SHISA9: variants seen among roughly 807,000 people sequenced by gnomAD.
SHISA9 encodes the protein shisa family member 9, also known as protein shisa-9.
In SHISA9, 13 loss-of-function variants were observed where a neutral mutation model predicts 38.0. The ratio of observed to expected loss-of-function variants is 0.34; its 90% CI spans 0.22 to 0.54. The LOEUF (loss-of-function observed/expected upper bound fraction) is 0.54. Ranked by LOEUF, SHISA9 falls within the 20% of genes least tolerant of loss-of-function variation. SHISA9 has a pLI of 0.91. For missense variants in SHISA9, 538 were observed against 575.8 expected, an observed-to-expected ratio of 0.93 and a Z score of 0.67; for synonymous variants, 275 against 242.0, an observed-to-expected ratio of 1.14 and a Z score of -1.27.
chr16:13,258,962 C>T, the SHISA9 span, among the ~76,000 whole-genome samples: 1 of 152,160 alleles, frequency 6.6e-6, no homozygotes, highest in Admixed American at 6.5e-5. Context: ...CCAATCATGC[C>T]TTCCCAACAG....
chr16:13,508,809 G>A, the SHISA9 span, among the ~76,000 whole-genome samples: 2 of 152,130 alleles, frequency 1.3e-5, no homozygotes, highest in African/African-American at 4.8e-5. Context: ...TTGGCAGGTT[G>A]CTAATATTAC....
the SHISA9 span, among the ~76,000 whole-genome samples, chr16:13,253,815 C>T: frequency 2.6e-5 from 4 of 152,174 alleles, no homozygotes; most frequent in South Asian, 8.3e-4. Context: ...TGAAACGTCC[C>T]CATAAGGTCA....
the SHISA9 span, among the ~76,000 whole-genome samples, chr16:13,311,105 T>C: frequency 6.6e-6 from 1 of 152,124 alleles, no homozygotes; most frequent in Non-Finnish European, 1.5e-5. Context: ...TTGCAGGGCC[T>C]AGAAGATACT....
chr16:12,907,237 C>T (rs1466132368), intron 1 of SHISA9, among the ~76,000 whole-genome samples: 1 of 125,806 alleles, frequency 7.9e-6, no homozygotes, highest in African/African-American at 3.0e-5. Context: ...TCCTTTCTTT[C>T]CTCTCTTCCC....
chr16:13,085,648 G>T (rs1346692097), intron 2 of SHISA9, among the ~76,000 whole-genome samples: 1 of 152,172 alleles, frequency 6.6e-6, no homozygotes, highest in African/African-American at 2.4e-5. Context: ...TTATGTGTAG[G>T]TGCACCGCCT....
chr16:12,990,216 A>G (rs1383723957), intron 2 of SHISA9, among the ~76,000 whole-genome samples: 2 of 152,070 alleles, frequency 1.3e-5, no homozygotes, highest in African/African-American at 4.8e-5. Context: ...TGTCTTTGCT[A>G]TTGGATGCAT....
chr16:13,187,343 T>C (rs1276310687), intron 2 of SHISA9, among the ~76,000 whole-genome samples: 7 of 142,906 alleles, frequency 4.9e-5, no homozygotes, highest in South Asian at 4.5e-4. Context: ...TTTTTTTTTT[T>C]TTTTTTTTTG....
chr16:13,492,491 C>G, the SHISA9 span, among the ~76,000 whole-genome samples: 3 of 152,132 alleles, frequency 2.0e-5, no homozygotes, highest in Admixed American at 1.3e-4. Flanking sequence ...TTACAGCATG[C>G]TTTTTAGGCT....
intron 2 of SHISA9, among the ~76,000 whole-genome samples, chr16:12,942,378 G>A (rs1446361040): frequency 6.6e-6 from 1 of 152,182 alleles, no homozygotes; most frequent in African/African-American, 2.4e-5. Flanking sequence ...CTTGCAGAGA[G>A]CCTCTGGATG....
the SHISA9 span, among the ~76,000 whole-genome samples, chr16:13,272,991 C>G: frequency 9.9e-5 from 15 of 152,152 alleles, no homozygotes; most frequent in Non-Finnish European, 1.8e-4. Flanking sequence ...TGCTTTCTCT[C>G]TCATTTCCTG....
intron 2 of SHISA9, among the ~76,000 whole-genome samples, chr16:12,989,372 T>G (rs1455561095): frequency 6.6e-6 from 1 of 152,036 alleles, no homozygotes; most frequent in Non-Finnish European, 1.5e-5. Flanking sequence ...GAGATGGGGT[T>G]TCACCATGTT....
At chr16:13,241,850 G>A (rs2051437721), downstream of SHISA9, among the ~76,000 whole-genome samples, 1 of 152,252 alleles carries the variant, frequency 6.6e-6, no homozygotes, top group Non-Finnish European at 1.5e-5. Context: ...GAGAAGTCTG[G>A]AACACACAGG....
the SHISA9 span, among the ~76,000 whole-genome samples, chr16:13,431,043 G>A: frequency 7.2e-5 from 11 of 152,146 alleles, no homozygotes; most frequent in Non-Finnish European, 1.5e-4. Context: ...GAGGCTGTTT[G>A]GGAAACCTCT....
At chr16:13,453,052 G>A in the SHISA9 span, among the ~76,000 whole-genome samples, 1 of 151,764 alleles carries the variant, frequency 6.6e-6, no homozygotes, top group Admixed American at 6.6e-5. Flanking sequence ...GGAACAATAC[G>A]CACGTGCCAC....
At chr16:13,315,838 C>T in the SHISA9 span, among the ~76,000 whole-genome samples, 3 of 152,040 alleles carry the variant, frequency 2.0e-5, no homozygotes, top group Non-Finnish European at 4.4e-5. Flanking sequence ...AAAACATGAA[C>T]CCAGGCGGGT....
the SHISA9 span, among the ~76,000 whole-genome samples, chr16:13,284,006 C>A: frequency 6.6e-6 from 1 of 152,144 alleles, no homozygotes; most frequent in African/African-American, 2.4e-5. Flanking sequence ...ACTTTTAGGG[C>A]AACCTCTCTG....
intron 2 of SHISA9, among the ~76,000 whole-genome samples, chr16:13,181,149 A>AT (rs2050772963): frequency 6.6e-6 from 1 of 151,388 alleles, no homozygotes; most frequent in Admixed American, 6.6e-5. Flanking sequence ...AATGGGTTTT[A>AT]TTGTTACCAT....
At chr16:13,518,802 C>G in the SHISA9 span, among the ~76,000 whole-genome samples, 1 of 152,192 alleles carries the variant, frequency 6.6e-6, no homozygotes, top group African/African-American at 2.4e-5. Context: ...TTATTTCTCA[C>G]AGTTCGAGGT....
the SHISA9 span, among the ~76,000 whole-genome samples, chr16:13,383,935 G>T: frequency 9.9e-3 from 1,510 of 152,164 alleles, 13 homozygotes; most frequent in Middle Eastern, 0.034. Flanking sequence ...GATTACAGAC[G>T]TGAGCCACCG....
Sources: allele counts gnomAD v4.1 joint callset (sites outside exome capture counted in the v4.1 genomes callset), GRCh38; gene constraint gnomAD v4.1.1; transcripts MANE v1.5; gene names NCBI Gene and HGNC (gene_info 2026-07-23, HGNC 2026-07-21).